FRMD3: variants seen among roughly 807,000 people sequenced by gnomAD.
FRMD3 encodes the protein FERM domain containing 3.
Under a neutral mutation model 70.2 loss-of-function variants are expected in FRMD3, and 33 were observed. That is an observed-to-expected ratio of 0.47 (90% CI 0.36 to 0.63). The LOEUF is 0.63. Among genes scored for constraint, FRMD3 ranks in the 20% least tolerant of loss-of-function variants. FRMD3 has a pLI of 0.00. For missense variants in FRMD3, 632 were observed against 711.4 expected, an observed-to-expected ratio of 0.89 and a Z score of 1.27; for synonymous variants, 279 against 255.9, an observed-to-expected ratio of 1.09 and a Z score of -0.86.
At chr9:83,524,659 C>A (rs925366232) in intron 1 of FRMD3, among the ~76,000 whole-genome samples, 3 of 152,286 alleles carry the variant, frequency 2.0e-5, no homozygotes, top group South Asian at 2.1e-4. Flanking sequence ...ATACAAGACA[C>A]AATACCCCAT....
chr9:83,509,535 C>T (rs1829287700), intron 1 of FRMD3, among the ~76,000 whole-genome samples: 1 of 152,158 alleles, frequency 6.6e-6, no homozygotes, highest in South Asian at 2.1e-4. Context: ...AAACCACTCC[C>T]CAGGAGCAGC....
intron 1 of FRMD3, among the ~76,000 whole-genome samples, chr9:83,418,308 C>A (rs934365432): frequency 6.6e-6 from 1 of 151,722 alleles, no homozygotes; most frequent in Non-Finnish European, 1.5e-5. Flanking sequence ...AGCTTCTGCA[C>A]AGAAAAAGAA....
chr9:83,350,531 G>A (rs1045294537), intron 3 of FRMD3, among the ~76,000 whole-genome samples: 20 of 147,360 alleles, frequency 1.4e-4, no homozygotes, highest in African/African-American at 5.0e-4. Flanking sequence ...GCTGAGGCAG[G>A]AGAATTGCTT....
chr9:83,328,679 C>A (rs1175978956), intron 6 of FRMD3, among the ~76,000 whole-genome samples: 1 of 152,126 alleles, frequency 6.6e-6, no homozygotes. Flanking sequence ...ATGAAGGAGA[C>A]CCCAGCTTGG....
Position 83,348,516 on chromosome 9 carries a change from G to T in FRMD3, c.374+1163C>A, listed in dbSNP as rs528472351. Among the ~76,000 whole-genome samples, 90 of 152,148 alleles carry T rather than the reference G, an allele frequency of 5.9e-4. 1 individual carries two copies. The South Asian group carries it at 0.018, about 30-fold the overall frequency. ...CTATGGGGTACATGGTTTCTTTTGAGGGTGATGAAAACTTCTAGAATTAGA... is the reference window on the plus strand; with the variant it reads ...CTATGGGGTACATGGTTTCTTTTGATGGTGATGAAAACTTCTAGAATTAGA... On this transcript the variant is annotated intron_variant, in intron 4 of 13. Transcript: ENST00000304195.
chr9:83,514,922 C>T (rs1829421670), intron 1 of FRMD3, among the ~76,000 whole-genome samples: 1 of 152,142 alleles, frequency 6.6e-6, no homozygotes, highest in Non-Finnish European at 1.5e-5. Context: ...GCATCAACAT[C>T]AACAAAAAGG....
upstream of FRMD3, among the ~76,000 whole-genome samples, chr9:83,540,898 T>C (rs942702392): frequency 3.3e-5 from 5 of 152,186 alleles, no homozygotes; most frequent in Admixed American, 6.5e-5. Context: ...ACAAAGTCAA[T>C]TGAATTATCG....
chr9:83,335,369 C>T (rs1823540583), intron 6 of FRMD3, 147 bp downstream of exon 6: 2 of 730,438 alleles, frequency 2.7e-6, no homozygotes, highest in Admixed American at 5.3e-5. Flanking sequence ...GTGTCCTTGA[C>T]AGTGCCCAGA....
intron 1 of FRMD3, among the ~76,000 whole-genome samples, chr9:83,410,864 C>T (rs929323873): frequency 1.1e-4 from 17 of 152,304 alleles, no homozygotes; most frequent in African/African-American, 4.1e-4. Flanking sequence ...TTTGCTCTGA[C>T]TCGTCCCGGC....
chr9:83,276,264 G>A (rs1749301451), intron 13 of FRMD3: 2 of 152,124 alleles, frequency 1.3e-5, no homozygotes, highest in African/African-American at 4.8e-5. Context: ...TCTCAAGAAA[G>A]AGTCTACTTC....
upstream of FRMD3, among the ~76,000 whole-genome samples, chr9:83,543,267 A>G (rs1013788097): frequency 1.3e-5 from 2 of 151,686 alleles, no homozygotes; most frequent in Non-Finnish European, 2.9e-5. Flanking sequence ...AAAAAGGAGG[A>G]GGCAAGAATT....
chr9:83,512,855 G>T (rs1829369002), intron 1 of FRMD3, among the ~76,000 whole-genome samples: 1 of 152,190 alleles, frequency 6.6e-6, no homozygotes, highest in Non-Finnish European at 1.5e-5. Flanking sequence ...TGGGAGGAAA[G>T]GTCCACTTTG....
intron 1 of FRMD3, among the ~76,000 whole-genome samples, chr9:83,536,097 T>A (rs1309312099): frequency 6.6e-6 from 1 of 152,190 alleles, no homozygotes; most frequent in Non-Finnish European, 1.5e-5. Flanking sequence ...ATAATAATTG[T>A]AATTTGGGGG....
intron 1 of FRMD3, among the ~76,000 whole-genome samples, chr9:83,533,003 G>C (rs1829820616): frequency 6.6e-6 from 1 of 152,198 alleles, no homozygotes; most frequent in African/African-American, 2.4e-5. Context: ...GCAGAGCTTT[G>C]GAACAGCCCT....
chr9:83,371,452 G>T (rs1024270046), intron 3 of FRMD3, among the ~76,000 whole-genome samples: 2 of 152,030 alleles, frequency 1.3e-5, no homozygotes, highest in African/African-American at 4.8e-5. Flanking sequence ...GAGTAGCTGG[G>T]ACTACAGGCA....
the FRMD3 span, among the ~76,000 whole-genome samples, chr9:83,546,890 C>CA: frequency 3.9e-4 from 25 of 64,140 alleles, 2 homozygotes; most frequent in East Asian, 4.3e-3. Flanking sequence ...GACTCTGTCT[C>CA]AAAAAAAAAA....
At chr9:83,418,093 T>C (rs1587833879) in intron 1 of FRMD3, among the ~76,000 whole-genome samples, 1 of 111,792 alleles carries the variant, frequency 8.9e-6, no homozygotes, top group Admixed American at 1.2e-4. Context: ...GTAAAATCGC[T>C]GGAGAAGGGG....
the FRMD3 span, among the ~76,000 whole-genome samples, chr9:83,551,018 A>G: frequency 6.6e-6 from 1 of 152,006 alleles, no homozygotes; most frequent in Admixed American, 6.5e-5. Context: ...ACTATGTTGA[A>G]CAGAAGTGGT....
intron 13 of FRMD3, chr9:83,281,517 AATT>A (rs1260944825): frequency 6.6e-6 from 1 of 152,106 alleles, no homozygotes; most frequent in Non-Finnish European, 1.5e-5. Context: ...TGAAGCAATT[AATT>A]ATTATTAAGT....
Sources: allele counts gnomAD v4.1 joint callset (sites outside exome capture counted in the v4.1 genomes callset), GRCh38; gene constraint gnomAD v4.1.1; transcripts MANE v1.5; gene names NCBI Gene and HGNC (gene_info 2026-07-23, HGNC 2026-07-21).